HPGDS: variants seen among roughly 807,000 people sequenced by gnomAD.
HPGDS encodes GST class-sigma.
Under a neutral mutation model 23.1 loss-of-function variants are expected in HPGDS, and 26 were observed. The observed-to-expected ratio is 1.13, with a 90% CI of 0.83 to 1.56. The LOEUF is 1.56. HPGDS is among the 40% of genes most tolerant of loss of function. The pLI is 0.00. For missense variants in HPGDS, 268 were observed against 236.4 expected (o/e 1.13, Z -0.88); for synonymous variants, 95 against 77.9 (o/e 1.22, Z -1.16).
intron 2 of HPGDS, among the ~76,000 whole-genome samples, chr4:94,329,100 A>G (rs1272830682): frequency 6.6e-6 from 1 of 152,228 alleles, no homozygotes; most frequent in African/African-American, 2.4e-5. Flanking sequence ...AAATATGTGA[A>G]CAAGAAGGAA....
intron 1 of HPGDS, among the ~76,000 whole-genome samples, chr4:94,337,714 A>T (rs1640041341): frequency 6.6e-6 from 1 of 152,200 alleles, no homozygotes; most frequent in Admixed American, 6.5e-5. Context: ...AAAGTTAAAC[A>T]TACAACCTTT....
intron 4 of HPGDS, among the ~76,000 whole-genome samples, chr4:94,307,182 A>G (rs1255998781): frequency 6.6e-6 from 1 of 152,080 alleles, no homozygotes; most frequent in African/African-American, 2.4e-5. Context: ...GAATAAAATA[A>G]AAACATCTTT....
chr4:94,329,441 C>A (rs1382401291), intron 2 of HPGDS, among the ~76,000 whole-genome samples: 1 of 152,128 alleles, frequency 6.6e-6, no homozygotes, highest in East Asian at 1.9e-4. Context: ...ATTTGAAAAT[C>A]TTATTTTTTT....
chr4:94,302,581 A>C (rs1756064293), intron 4 of HPGDS, among the ~76,000 whole-genome samples: 1 of 152,098 alleles, frequency 6.6e-6, no homozygotes, highest in Non-Finnish European at 1.5e-5. Flanking sequence ...GATTCCTAAA[A>C]TTTCCCTCTT....
chr4:94,315,066 C>T (rs115863939), intron 3 of HPGDS, among the ~76,000 whole-genome samples: 3,775 of 152,294 alleles, frequency 0.025, 105 homozygotes, highest in African/African-American at 0.075. Flanking sequence ...GAAAGATAAT[C>T]ACCTAACCCC....
intron 3 of HPGDS, among the ~76,000 whole-genome samples, chr4:94,312,690 TCC>T (rs1272928873): frequency 6.6e-6 from 1 of 152,186 alleles, no homozygotes; most frequent in Non-Finnish European, 1.5e-5. Context: ...TTCCTGGATA[TCC>T]TTGTTAACTT....
chr4:94,300,842 A>G (rs372460302), intron 5 of HPGDS, among the ~76,000 whole-genome samples: 34 of 152,310 alleles, frequency 2.2e-4, no homozygotes, highest in African/African-American at 7.9e-4. Flanking sequence ...GCAGTGAGCA[A>G]TCTGGGGATT....
chr4:94,321,661 G>C (rs193165288), intron 2 of HPGDS, among the ~76,000 whole-genome samples: 1 of 152,222 alleles, frequency 6.6e-6, no homozygotes, highest in East Asian at 1.9e-4. Flanking sequence ...AGGAGATTTT[G>C]GGCTGAGATG....
At chr4:94,323,266 T>A (rs11940292) in intron 2 of HPGDS, among the ~76,000 whole-genome samples, 3,772 of 152,210 alleles carry the variant, frequency 0.025, 104 homozygotes, top group African/African-American at 0.075. Context: ...AGTTCTGTAG[T>A]TGTCTGTTAG....
intron 3 of HPGDS, among the ~76,000 whole-genome samples, chr4:94,311,814 G>A (rs1314795709): frequency 6.6e-6 from 1 of 151,260 alleles, no homozygotes; most frequent in Non-Finnish European, 1.5e-5. Flanking sequence ...CTCAATTTGA[G>A]AGTCTGTTAT....
intron 3 of HPGDS, among the ~76,000 whole-genome samples, chr4:94,311,779 TG>T (rs1231499253): frequency 6.6e-6 from 1 of 151,368 alleles, no homozygotes; most frequent in Non-Finnish European, 1.5e-5. Flanking sequence ...GGACTTTTTT[TG>T]GTTGGTAAGC....
chr4:94,317,160 G>C (rs1459598674), intron 3 of HPGDS, among the ~76,000 whole-genome samples: 2 of 152,110 alleles, frequency 1.3e-5, no homozygotes, highest in African/African-American at 4.8e-5. Context: ...GGGGAGATAG[G>C]TTTCAGAGAA....
rs1755976893 is a variant in HPGDS, at chr4:94,298,873, T to A, written c.*607A>T. ...ATCAGTTTTTGTTCCTTTGCTGCAC[T>A]TTCATCTTTGTTGGGGAGTTCCCTC... On this transcript the variant is annotated 3_prime_UTR_variant, in exon 6 of 6. Transcript: ENST00000295256. 2 of 152,368 alleles carry A rather than the reference T, an allele frequency of 1.3e-5. No individual in the cohort carries two copies. The highest frequency in any genetic ancestry group is 4.8e-5 in the African/African-American group (2 of 41,580). 9.4% of individuals were successfully genotyped at this position (152,368 alleles called of 1,614,324 possible).
rs1357132903 is a variant in HPGDS, at chr4:94,307,572, CACTGGAATA to C, written c.336+1053_336+1061del. ...GGACTCCAGCTCCATAGAATGGCATCACTGGAATAACAGCAAAGGGAATTCCAATGATGA... is the reference window on the plus strand; with the variant it reads ...GGACTCCAGCTCCATAGAATGGCATCACAGCAAAGGGAATTCCAATGATGA... On this transcript the variant is annotated intron_variant, in intron 4 of 5. Transcript: ENST00000295256. Among the ~76,000 whole-genome samples the C allele has an allele frequency of 1.3e-4, 20 of 152,236 alleles. No homozygotes were observed. The East Asian group carries it at 2.7e-3, about 21-fold the overall frequency.
chr4:94,340,307 TTC>T (rs1283432254), intron 1 of HPGDS, among the ~76,000 whole-genome samples: 10 of 44,598 alleles, frequency 2.2e-4, no homozygotes, highest in African/African-American at 7.1e-4. Context: ...CTTTCTTTCT[TTC>T]TCTTTTTTTT....
At position 94,304,363 on chromosome 4, in the gene HPGDS, G is replaced by C. The variant is rs971788580; in HGVS notation, c.337-2119C>G. 3.3e-5 allele frequency among the ~76,000 whole-genome samples: 5 copies of C among 152,118 alleles called. No homozygotes were observed. In the East Asian group the frequency reaches 7.7e-4, roughly 23 times the overall value. On this transcript the variant is annotated intron_variant, in intron 4 of 5. Transcript: ENST00000295256. ...ATAACCAAAGTAACACTAATGGTGA[G>C]TTCAAGGATTGTCATGGTGACCAAT...
intron 5 of HPGDS, among the ~76,000 whole-genome samples, chr4:94,300,599 A>G (rs1450772894): frequency 1.3e-5 from 2 of 152,226 alleles, no homozygotes; most frequent in Non-Finnish European, 2.9e-5. Flanking sequence ...TCAAATATTT[A>G]TCAAGCACCT....
At chr4:94,319,796 T>C (rs1258029126) in intron 2 of HPGDS, among the ~76,000 whole-genome samples, 2 of 152,186 alleles carry the variant, frequency 1.3e-5, no homozygotes, top group Non-Finnish European at 1.5e-5. Context: ...AGTTCTAGGG[T>C]ACATGTGCAC....
chr4:94,325,380 C>T (rs186116836), intron 2 of HPGDS, among the ~76,000 whole-genome samples: 234 of 152,276 alleles, frequency 1.5e-3, no homozygotes, highest in African/African-American at 5.3e-3. Context: ...TATGCACTGC[C>T]CCCAGAGGTG....
Sources: gnomAD v4.1 joint callset for allele counts (sites outside exome capture counted in the v4.1 genomes callset) on GRCh38, gnomAD v4.1.1 for gene constraint, MANE v1.5 for transcripts, NCBI Gene and HGNC (gene_info 2026-07-23, HGNC 2026-07-21) for gene names.